OTUD7A: variants seen among roughly 807,000 people sequenced by gnomAD.
OTUD7A encodes OTU deubiquitinase 7A.
OTUD7A carries 12 observed loss-of-function variants against 65.7 expected under a neutral mutation model. That is an observed-to-expected ratio of 0.18 (90% CI 0.12 to 0.30). OTUD7A has a LOEUF of 0.30. Among genes scored for constraint, OTUD7A ranks in the 10% least tolerant of loss-of-function variants. The pLI, the probability that OTUD7A is intolerant of heterozygous loss-of-function variation, is 1.00. For synonymous variants in OTUD7A, 641 were observed against 586.3 expected, an observed-to-expected ratio of 1.09 and a Z score of -1.35; for missense variants, 1,148 against 1,304.8, an observed-to-expected ratio of 0.88 and a Z score of 1.85.
In OTUD7A at chr15:31,757,366, T is replaced by C. The variant is rs149564801; in HGVS notation, c.-99-100289A>G. Among the ~76,000 whole-genome samples the C allele has an allele frequency of 8.2e-4, 123 of 149,502 alleles. 1 individual carries two copies. In the East Asian group the frequency reaches 0.019, roughly 23 times the overall value. ...ATAATATATATATTATATATATATA[T>C]ACGTTTATATATATAAAGGGTTCTT... On this transcript the variant is annotated intron_variant, in intron 1 of 12. Coordinates refer to ENST00000307050, the MANE Select transcript of OTUD7A (RefSeq NM_001382637.1).
intron 3 of OTUD7A, among the ~76,000 whole-genome samples, chr15:31,630,557 T>C (rs1377387504): frequency 6.6e-6 from 1 of 152,222 alleles, no homozygotes; most frequent in Non-Finnish European, 1.5e-5. Context: ...AAAAAATGTA[T>C]ATTCTGTTGA....
intron 1 of OTUD7A, among the ~76,000 whole-genome samples, chr15:31,840,174 C>T (rs1897149167): frequency 6.6e-6 from 1 of 152,096 alleles, no homozygotes; most frequent in Non-Finnish European, 1.5e-5. Context: ...AATCTCAGCA[C>T]CTTGGGAGGC....
At chr15:31,502,637 G>T (rs1293299632) in intron 9 of OTUD7A, among the ~76,000 whole-genome samples, 1 of 152,206 alleles carries the variant, frequency 6.6e-6, no homozygotes, top group Non-Finnish European at 1.5e-5. Flanking sequence ...ACAGGGTGGG[G>T]GTACCTGCAA....
At chr15:31,642,663 A>C (rs935290328) in intron 3 of OTUD7A, among the ~76,000 whole-genome samples, 13 of 151,706 alleles carry the variant, frequency 8.6e-5, no homozygotes, top group Non-Finnish European at 1.8e-4. Flanking sequence ...AACTTGCTGC[A>C]TTTATTGGCA....
chr15:31,679,819 A>G lies in OTUD7A; in HGVS notation c.-99-22742T>C, dbSNP rs568859008. ...CAAAATAAAGTTGATAAAACTGATA[A>G]TAGCAAAAACCAAAGACAATAAACA... On this transcript the variant is annotated intron_variant, in intron 1 of 12. Transcript: ENST00000307050. Among the ~76,000 whole-genome samples the G allele has an allele frequency of 7.2e-5, 11 of 152,334 alleles. No homozygotes were observed. The East Asian group carries it at 1.5e-3, about 21-fold the overall frequency.
At chr15:31,658,181 T>TTC (rs1462300793) in intron 1 of OTUD7A, among the ~76,000 whole-genome samples, 1 of 152,124 alleles carries the variant, frequency 6.6e-6, no homozygotes, top group Non-Finnish European at 1.5e-5. Context: ...TATCTCACAG[T>TTC]TATTATGAAA....
intron 1 of OTUD7A, among the ~76,000 whole-genome samples, chr15:31,714,214 G>T (rs1425724890): frequency 6.6e-6 from 1 of 151,938 alleles, no homozygotes; most frequent in Non-Finnish European, 1.5e-5. Flanking sequence ...CAGCCCAAAT[G>T]ATAACCAATG....
rs1475896443 is a variant in OTUD7A at position 31,476,463 on chromosome 15, G to C, written c.*6831C>G. On this transcript the variant is annotated 3_prime_UTR_variant, in exon 13 of 13. Coordinates refer to ENST00000307050, the MANE Select transcript of OTUD7A (RefSeq NM_001382637.1). ...GCCTGGGAGACCTTCACGGACACCT[G>C]CCATGGAGAAAGTTTGCATGGGCCA... 2.6e-5 allele frequency: 4 copies of C among 152,334 alleles called. No homozygotes were observed. The highest frequency in any genetic ancestry group is 4.4e-5 in the Non-Finnish European group (3 of 68,116). 9.4% of individuals were successfully genotyped at this position (152,334 alleles called of 1,614,324 possible).
At chr15:31,694,777 C>T (rs1248706404) in intron 1 of OTUD7A, among the ~76,000 whole-genome samples, 3 of 152,232 alleles carry the variant, frequency 2.0e-5, no homozygotes, top group East Asian at 1.9e-4. Flanking sequence ...TCATTCTTGC[C>T]GTACGTGACA....
At chr15:31,860,896 T>C (rs1375062139) in intron 1 of OTUD7A, among the ~76,000 whole-genome samples, 1 of 144,668 alleles carries the variant, frequency 6.9e-6, no homozygotes, top group East Asian at 2.0e-4. Context: ...TTTTTTTGTA[T>C]TTTTAGTAGA....
chr15:31,845,953 C>A (rs1897285001), intron 1 of OTUD7A, among the ~76,000 whole-genome samples: 1 of 152,222 alleles, frequency 6.6e-6, no homozygotes, highest in South Asian at 2.1e-4. Flanking sequence ...GAGGATCTCT[C>A]AGGATGGCGG....
rs147764849 is a variant in OTUD7A at position 31,754,077 on chromosome 15, T to C, written c.-99-97000A>G. On this transcript the variant is annotated intron_variant, in intron 1 of 12. Transcript: ENST00000307050. ...GGCCATTCTTGCAGGAGTAAGGTGG[T>C]ATTGCATTATGGTTTTGATTTGCAT... is the stretch of plus-strand genomic sequence containing the variant. Among the ~76,000 whole-genome samples, 39 of 152,328 alleles carry C rather than the reference T, an allele frequency of 2.6e-4. No individual in the cohort carries two copies. The East Asian group carries it at 7.1e-3, about 28-fold the overall frequency.
In OTUD7A at chr15:31,483,384, G is replaced by C; in HGVS notation, c.2712C>G (p.Phe904Leu). Residue 904 changes from phenylalanine to leucine, a missense_variant, in exon 13 of 13, where the codon TTC (phenylalanine) becomes TTG (leucine). Around this residue, in one of 6 missense-constraint regions of OTUD7A, gnomAD observed 842 missense variants for 769.5 expected, o/e 1.09. Transcript: ENST00000307050. Reference protein sequence around the residue: ...QRRCQRENCAFYGRAETEHYC... With the variant: ...QRRCQRENCALYGRAETEHYC... ...AGTGCTCGGTCTCGGCGCGCCCGTAGAACGCACAGTTCTCGCGCTGGCAGC... is the reference window on the plus strand; with the variant it reads ...AGTGCTCGGTCTCGGCGCGCCCGTACAACGCACAGTTCTCGCGCTGGCAGC... 7.5e-7 allele frequency: 1 copy of C among 1,327,504 alleles called. No homozygotes were observed. The highest frequency in any genetic ancestry group is 9.6e-7 in the Non-Finnish European group (1 of 1,036,620). 82.2% of individuals were successfully genotyped at this position (1,327,504 alleles called of 1,614,324 possible).
At chr15:31,829,134 C>T (rs1433564787) in intron 1 of OTUD7A, among the ~76,000 whole-genome samples, 1 of 152,180 alleles carries the variant, frequency 6.6e-6, no homozygotes, top group Non-Finnish European at 1.5e-5. Flanking sequence ...GCAAAGCAAA[C>T]TATGGGGCAG....
At chr15:31,751,392 CCATT>C (rs1894631786) in intron 1 of OTUD7A, among the ~76,000 whole-genome samples, 2 of 152,110 alleles carry the variant, frequency 1.3e-5, no homozygotes, top group South Asian at 4.2e-4. Flanking sequence ...GTCAGAATGG[CCATT>C]ATTAAAAATC....
intron 1 of OTUD7A, among the ~76,000 whole-genome samples, chr15:31,757,452 T>C (rs1213536929): frequency 1.3e-5 from 2 of 151,944 alleles, no homozygotes; most frequent in Non-Finnish European, 2.9e-5. Flanking sequence ...GTACCACTGC[T>C]ACTGCTACCA....
At chr15:31,575,540 C>T (rs1469881728) in intron 3 of OTUD7A, among the ~76,000 whole-genome samples, 1 of 152,166 alleles carries the variant, frequency 6.6e-6, no homozygotes, top group Non-Finnish European at 1.5e-5. Flanking sequence ...GAGGTCATAA[C>T]AACACAGGTT....
At chr15:31,592,373 C>G (rs1350756350) in intron 3 of OTUD7A, among the ~76,000 whole-genome samples, 1 of 141,922 alleles carries the variant, frequency 7.0e-6, no homozygotes, top group Non-Finnish European at 1.6e-5. Context: ...ATTCTATAAT[C>G]TTTTTTTAAA....
intron 1 of OTUD7A, among the ~76,000 whole-genome samples, chr15:31,863,952 T>C (rs1228036541): frequency 6.6e-6 from 1 of 152,248 alleles, no homozygotes; most frequent in Non-Finnish European, 1.5e-5. Context: ...GTTTTGCTGC[T>C]TAGAAGTTTC....
Sources: allele counts gnomAD v4.1 joint callset (sites outside exome capture counted in the v4.1 genomes callset), GRCh38; gene constraint gnomAD v4.1.1; regional missense constraint gnomAD v4.1.1; transcripts MANE v1.5; gene names NCBI Gene and HGNC (gene_info 2026-07-23, HGNC 2026-07-21).